The following LCORL variants were observed in gnomAD, a reference collection of about 807,000 sequenced individuals.
LCORL encodes the protein ligand dependent nuclear receptor corepressor like, also known as ligand-dependent nuclear receptor corepressor-like protein.
In LCORL, 41 loss-of-function variants were observed where a neutral mutation model predicts 141.8. The ratio of observed to expected loss-of-function variants is 0.29; its 90% CI spans 0.23 to 0.38. The LOEUF (loss-of-function observed/expected upper bound fraction) is 0.38. Ranked by LOEUF, LCORL falls within the 10% of genes least tolerant of loss-of-function variation. The probability of loss-of-function intolerance (pLI) is 1.00; values close to 1 mark genes in which losing one functional copy is unlikely to be tolerated. For synonymous variants in LCORL, 618 were observed against 694.1 expected (o/e 0.89, Z 1.72); for missense variants, 1,759 against 2,035.0 (o/e 0.86, Z 2.61).
At position 17,932,664 on chromosome 4, in the gene LCORL, C is replaced by T. The variant is rs369176774; in HGVS notation, c.431-23319G>A. Among the ~76,000 whole-genome samples the T allele has an allele frequency of 7.2e-5, 11 of 152,272 alleles. No individual in the cohort carries two copies. The East Asian group carries it at 1.4e-3, about 19-fold the overall frequency. On this transcript the variant is annotated intron_variant, in intron 4 of 7. Transcript: ENST00000635767. ...GAGGCTGAGCAAGCAGGGGGACATA[C>T]GTGGCCCATCATCACTTTTTGTAGA...
At chr4:17,938,847 G>A (rs1443637802) in intron 4 of LCORL, among the ~76,000 whole-genome samples, 2 of 152,002 alleles carry the variant, frequency 1.3e-5, no homozygotes, top group Non-Finnish European at 2.9e-5. Flanking sequence ...TATTTTCTTA[G>A]TTGTCTTAGT....
chr4:17,885,980 C>A (rs541205320), intron 6 of LCORL, 88 bp downstream of exon 6: 6 of 634,086 alleles, frequency 9.5e-6, no homozygotes, highest in South Asian at 3.1e-5. Flanking sequence ...AAACTATATA[C>A]GTCAATACTA....
At chr4:17,990,379 A>AT (rs1381797790) in intron 1 of LCORL, among the ~76,000 whole-genome samples, 1 of 143,394 alleles carries the variant, frequency 7.0e-6, no homozygotes, top group African/African-American at 2.8e-5. Context: ...GATTACAGGC[A>AT]TGAGCCACCA....
At chr4:18,001,144 C>A (rs1196392403) in intron 1 of LCORL, among the ~76,000 whole-genome samples, 1 of 152,180 alleles carries the variant, frequency 6.6e-6, no homozygotes, top group Non-Finnish European at 1.5e-5. Context: ...GCACTCTAGC[C>A]TGGGCAACAG....
At chr4:17,941,151 C>A (rs1737883268) in intron 4 of LCORL, among the ~76,000 whole-genome samples, 1 of 152,108 alleles carries the variant, frequency 6.6e-6, no homozygotes, top group African/African-American at 2.4e-5. Context: ...CCGAGACGGG[C>A]AGATCACGAG....
rs557878531 is a variant in LCORL at position 17,842,661 on chromosome 4, G to A, written c.*3227C>T. ...TGATGTGACTCCTCTTTGATCTTCA[G>A]TTAGCAAACTCTTGATTTTGATAAT... On this transcript the variant is annotated 3_prime_UTR_variant, in exon 8 of 8. Coordinates refer to ENST00000635767, the Ensembl canonical transcript of LCORL. 4.4e-4 allele frequency: 130 copies of A among 293,850 alleles called. 3 individuals are homozygous for A. The highest frequency in any genetic ancestry group is 4.4e-3 in the South Asian group (93 of 21,296). The allele number at this position is 293,850 out of a possible 1,614,324, so 18.2% of individuals were successfully genotyped here. A position where few individuals can be genotyped will look rare whatever the true frequency, so the allele number is the denominator to read the frequency against.
At chr4:17,966,548 C>T (rs556612252) in intron 2 of LCORL, among the ~76,000 whole-genome samples, 1 of 152,204 alleles carries the variant, frequency 6.6e-6, no homozygotes, top group South Asian at 2.1e-4. Flanking sequence ...CAGATGATTT[C>T]CATACAATCT....
chr4:17,986,416 T>C (rs1036033297), intron 1 of LCORL, among the ~76,000 whole-genome samples: 2 of 152,194 alleles, frequency 1.3e-5, no homozygotes, highest in Non-Finnish European at 2.9e-5. Context: ...TTGGCCTCTT[T>C]ACATAATCCC....
intron 7 of LCORL, among the ~76,000 whole-genome samples, chr4:17,869,704 C>T (rs908691159): frequency 2.0e-5 from 3 of 152,106 alleles, no homozygotes; most frequent in Admixed American, 2.0e-4. Flanking sequence ...TGTTGATTCA[C>T]AAATCCTTAT....
At chr4:17,915,159 T>TC (rs986579385) in intron 4 of LCORL, among the ~76,000 whole-genome samples, 1 of 152,042 alleles carries the variant, frequency 6.6e-6, no homozygotes, top group African/African-American at 2.4e-5. Flanking sequence ...CCTTCATCTC[T>TC]CTCTCTCTCA....
At chr4:17,863,343 C>G (rs768648685) in intron 7 of LCORL, among the ~76,000 whole-genome samples, 4 of 152,056 alleles carry the variant, frequency 2.6e-5, no homozygotes, top group East Asian at 3.9e-4. Flanking sequence ...GAGCAAAGGA[C>G]ATGAACAGAC....
chr4:17,861,459 A>C (rs949947982), intron 7 of LCORL, among the ~76,000 whole-genome samples: 1 of 151,616 alleles, frequency 6.6e-6, no homozygotes, highest in Non-Finnish European at 1.5e-5. Context: ...CAGCACGGGG[A>C]CCCTGGGCCT....
chr4:18,000,071 AACAAAG>A (rs1721666381), intron 1 of LCORL, among the ~76,000 whole-genome samples: 1 of 152,136 alleles, frequency 6.6e-6, no homozygotes, highest in South Asian at 2.1e-4. Context: ...AACCGAACAA[AACAAAG>A]ACAGAGAGTA....
At chr4:17,977,058 A>G (rs1717115197) in intron 1 of LCORL, among the ~76,000 whole-genome samples, 1 of 152,130 alleles carries the variant, frequency 6.6e-6, no homozygotes, top group African/African-American at 2.4e-5. Flanking sequence ...CTTTCATGAG[A>G]ATCGAATCTT....
At chr4:17,975,372 C>T (rs1275544947) in intron 1 of LCORL, among the ~76,000 whole-genome samples, 1 of 151,546 alleles carries the variant, frequency 6.6e-6, no homozygotes, top group East Asian at 1.9e-4. Flanking sequence ...AGGTATTATT[C>T]AGAAATCTTT....
chr4:17,986,427 A>G (rs1718990187), intron 1 of LCORL, among the ~76,000 whole-genome samples: 3 of 152,260 alleles, frequency 2.0e-5, no homozygotes, highest in Admixed American at 2.0e-4. Flanking sequence ...ACATAATCCC[A>G]TATTTGTTGG....
rs191119845 is a variant in LCORL, at chr4:17,842,575, C to A, written c.*3313G>T. On this transcript the variant is annotated 3_prime_UTR_variant, in exon 8 of 8. Transcript: ENST00000635767. ...ACTTCTTACGGCGTGTTTGCTTTTG[C>A]CTATTAGCTGGCATGGTCTTTAGTA... The A allele has an allele frequency of 4.5e-5, 24 of 534,452 alleles. No individual in the cohort carries two copies. The East Asian group carries it at 7.3e-4, about 16-fold the overall frequency. 33.1% of individuals were successfully genotyped at this position (534,452 alleles called of 1,614,324 possible).
intron 2 of LCORL, 54 bp from the exon 3 acceptor site, chr4:17,963,103 A>C: frequency 1.0e-6 from 1 of 966,092 alleles, no homozygotes; most frequent in Non-Finnish European, 1.6e-6. Flanking sequence ...AAAACAAATA[A>C]AATTACCACT....
At chr4:17,963,275 C>G (rs1428459971) in intron 2 of LCORL, among the ~76,000 whole-genome samples, 1 of 151,972 alleles carries the variant, frequency 6.6e-6, no homozygotes, top group African/African-American at 2.4e-5. Context: ...GAACAATGAG[C>G]TGGTTATAAA....
Sources: gnomAD v4.1 joint callset for allele counts (sites outside exome capture counted in the v4.1 genomes callset) on GRCh38, gnomAD v4.1.1 for gene constraint, MANE v1.5 for transcripts, NCBI Gene and HGNC (gene_info 2026-07-23, HGNC 2026-07-21) for gene names.